The following LOC101059915 variants were observed in gnomAD, a reference collection of about 807,000 sequenced individuals.
At chrX:71,669,715 G>A in the LOC101059915 span, 13 of 972,913 alleles carry the variant, frequency 1.3e-5, no homozygotes, top group Admixed American at 1.0e-4. Flanking sequence ...TGCATCCTCC[G>A]GTGAGTCTTG....
the LOC101059915 span, chrX:71,670,369 C>T: frequency 8.6e-7 from 1 of 1,165,040 alleles, no homozygotes. Flanking sequence ...AATAGAGGTC[C>T]ACACTAGATG....
chrX:71,670,126 G>C, the LOC101059915 span: 1 of 822,488 alleles, frequency 1.2e-6, no homozygotes, highest in Non-Finnish European at 1.7e-6. Flanking sequence ...CCCAGAGGGA[G>C]GGTTGGAGAT....
chrX:71,668,101 GA>G, the LOC101059915 span: 77 of 1,143,074 alleles, frequency 6.7e-5, no homozygotes, highest in Non-Finnish European at 8.5e-5. Context: ...GGGTGGTGGG[GA>G]CTACTCTTTC....
At chrX:71,669,500 C>T in the LOC101059915 span, 12 of 921,154 alleles carry the variant, frequency 1.3e-5, no homozygotes, top group Middle Eastern at 4.4e-4. Flanking sequence ...ACAACCCCTC[C>T]CCATGTGTAC....
At chrX:71,668,334 C>T in the LOC101059915 span, 3 of 1,138,045 alleles carry the variant, frequency 2.6e-6, no homozygotes, top group Non-Finnish European at 2.3e-6. Context: ...CCTGGGAGAA[C>T]CCAGAAAGGG....
chrX:71,671,211 C>A, the LOC101059915 span: 1 of 1,165,445 alleles, frequency 8.6e-7, no homozygotes, highest in Admixed American at 2.6e-5. Context: ...TTTCAGCTGC[C>A]ATGCAGTTCC....
chrX:71,668,538 A>G, the LOC101059915 span: 1 of 1,137,168 alleles, frequency 8.8e-7, no homozygotes, highest in Non-Finnish European at 1.2e-6. Context: ...ACACTTGCGG[A>G]CGCCGCAGTT....
At chrX:71,669,802 G>A in the LOC101059915 span, 303 of 871,574 alleles carry the variant, frequency 3.5e-4, 1 homozygote, top group African/African-American at 5.8e-3. Flanking sequence ...GCTTAGCTGT[G>A]CTCCCAGGCT....
At chrX:71,668,427 TG>T in the LOC101059915 span, 1 of 1,161,172 alleles carries the variant, frequency 8.6e-7, no homozygotes. Context: ...CTGACGACTC[TG>T]ATTCCGCAGA....
chrX:71,671,349 C>T, the LOC101059915 span: 1 of 905,350 alleles, frequency 1.1e-6, no homozygotes, highest in South Asian at 2.6e-5. Flanking sequence ...TGCTCTGTTT[C>T]ACAGGTTGGA....
chrX:71,668,866 C>T, the LOC101059915 span: 1 of 1,099,057 alleles, frequency 9.1e-7, no homozygotes, highest in South Asian at 2.4e-5. Context: ...TCCACCTGAT[C>T]CGGCTAGCTT....
chrX:71,669,127 T>C, the LOC101059915 span: 1 of 1,036,718 alleles, frequency 9.6e-7, no homozygotes, highest in South Asian at 2.4e-5. Flanking sequence ...CCACCTCTCT[T>C]CCAGCACACG....
the LOC101059915 span, chrX:71,670,603 C>G: frequency 9.1e-7 from 1 of 1,102,051 alleles, no homozygotes; most frequent in Non-Finnish European, 1.2e-6. Flanking sequence ...CTGGTGTCTC[C>G]TGGGCTAGTG....
chrX:71,670,772 G>T, the LOC101059915 span: 1 of 1,079,417 alleles, frequency 9.3e-7, no homozygotes, highest in Admixed American at 4.3e-5. Flanking sequence ...TTCCTCTGGG[G>T]AAGAGAACCA....
At chrX:71,668,593 A>T in the LOC101059915 span, 1 of 1,097,478 alleles carries the variant, frequency 9.1e-7, no homozygotes, top group East Asian at 3.3e-5. Context: ...ACCTCTCCTG[A>T]TCTCTCCTCC....
At chrX:71,668,135 C>T in the LOC101059915 span, 2 of 1,138,097 alleles carry the variant, frequency 1.8e-6, no homozygotes, top group South Asian at 4.3e-5. Flanking sequence ...GAGCCAGCCA[C>T]CATCATGCCG....
the LOC101059915 span, chrX:71,671,326 C>T: frequency 9.7e-7 from 1 of 1,031,013 alleles, no homozygotes; most frequent in Non-Finnish European, 1.3e-6. Context: ...TGGCTGGGGG[C>T]CCATCCCTGA....
At chrX:71,670,467 T>C in the LOC101059915 span, 4 of 1,096,121 alleles carry the variant, frequency 3.6e-6, no homozygotes, top group Non-Finnish European at 1.2e-6. Flanking sequence ...GTGCCTCCTT[T>C]CCATTGAGGG....
the LOC101059915 span, among the ~76,000 whole-genome samples, chrX:71,669,261 G>C: frequency 1.8e-5 from 2 of 111,861 alleles, no homozygotes; most frequent in African/African-American, 3.3e-5. Context: ...CTTGGTGTGT[G>C]CCAGGCCTGG....
Sources: gnomAD v4.1 joint callset for allele counts (sites outside exome capture counted in the v4.1 genomes callset) on GRCh38, gnomAD v4.1.1 for gene constraint, MANE v1.5 for transcripts.